Variants in MMP16 observed in about 807,000 individuals in gnomAD.
MMP16 encodes matrix metalloproteinase-16.
MMP16 carries 12 observed loss-of-function variants against 67.8 expected under a neutral mutation model. That is an observed-to-expected ratio of 0.18 (90% confidence interval 0.11 to 0.29). The LOEUF (loss-of-function observed/expected upper bound fraction) is 0.29, where lower values mean the gene tolerates loss of function less well. Ranked by LOEUF, MMP16 falls within the 10% of genes least tolerant of loss-of-function variation. The pLI, the probability that MMP16 is intolerant of heterozygous loss-of-function variation, is 1.00. For synonymous variants in MMP16, 249 were observed against 255.9 expected (o/e 0.97, Z 0.26); for missense variants, 475 against 765.7 (o/e 0.62, Z 4.48).
chr8:88,226,322 T>C (rs991999930), intron 1 of MMP16, among the ~76,000 whole-genome samples: 18 of 152,064 alleles, frequency 1.2e-4, no homozygotes, highest in African/African-American at 4.1e-4. Context: ...AAAACAGCTA[T>C]CACTTATTAA....
intron 1 of MMP16, among the ~76,000 whole-genome samples, chr8:88,320,415 CTA>C (rs1464810816): frequency 6.6e-6 from 1 of 152,112 alleles, no homozygotes; most frequent in Non-Finnish European, 1.5e-5. Flanking sequence ...CCAAAAACAC[CTA>C]GTCACTACAA....
chr8:88,070,299 C>T (rs1808530325), intron 7 of MMP16, among the ~76,000 whole-genome samples: 1 of 152,014 alleles, frequency 6.6e-6, no homozygotes, highest in Non-Finnish European at 1.5e-5. Context: ...TCAGGTCTTA[C>T]TTTGAAGATT....
rs375650939 is a variant in MMP16 at position 88,112,708 on chromosome 8, T to C, written c.1083+3799A>G. Among the ~76,000 whole-genome samples the C allele has an allele frequency of 2.6e-5, 4 of 151,572 alleles. No individual in the cohort carries two copies. In the South Asian group the frequency reaches 6.2e-4, roughly 24 times the overall value. On this transcript the variant is annotated intron_variant, in intron 6 of 9. Coordinates refer to ENST00000286614, the MANE Select transcript of MMP16 (RefSeq NM_005941.5). The stretch of plus-strand genomic sequence containing the variant: ...GTCTGTGTGTATGTATGTATGTAGA[T>C]ACATATCCCACCTCCTACAGAAACA...
chr8:88,069,309 G>C, intron 7 of MMP16: 1 of 364,024 alleles, frequency 2.7e-6, no homozygotes, highest in Non-Finnish European at 5.5e-6. Context: ...GGTATTTGGT[G>C]TTTACGAATG....
In MMP16 at chr8:88,059,182, T is replaced by A. The variant is rs79648147; in HGVS notation, c.1223-2904A>T. Among the ~76,000 whole-genome samples, 10 of 152,158 alleles carry A rather than the reference T, an allele frequency of 6.6e-5. No homozygotes were observed. In the East Asian group the frequency reaches 1.9e-3, roughly 29 times the overall value. ...AAGCATATATGTGGCATTTATAAAT[T>A]TAGGATGTGTTGAGATTATCCTGGG... is the stretch of plus-strand genomic sequence containing the variant. On this transcript the variant is annotated intron_variant, in intron 7 of 9. Transcript: ENST00000286614.
At position 88,033,713 on chromosome 8, in the gene MMP16, G is replaced by A. The variant is rs934422486; in HGVS notation, c.*7748C>T. ...TTTTAAGCCTGAAACAAATTTTTAT[G>A]GTCGAGTCTCTAAAACCCCTGAAAA... is the stretch of plus-strand genomic sequence containing the variant. On this transcript the variant is annotated 3_prime_UTR_variant, in exon 10 of 10. Transcript: ENST00000286614. 6.6e-6 allele frequency: 1 copy of A among 151,926 alleles called. No homozygotes were observed. The highest frequency in any genetic ancestry group is 6.6e-5 in the Admixed American group (1 of 15,214). The allele number at this position is 151,926 out of a possible 1,614,324, so 9.4% of individuals were successfully genotyped here.
intron 6 of MMP16, among the ~76,000 whole-genome samples, chr8:88,091,889 G>C (rs1043005081): frequency 2.0e-5 from 3 of 151,716 alleles, no homozygotes; most frequent in South Asian, 4.2e-4. Flanking sequence ...TATCATACTG[G>C]GTAGCACGCA....
intron 4 of MMP16, among the ~76,000 whole-genome samples, chr8:88,155,296 T>C (rs773761402): frequency 6.6e-6 from 1 of 152,088 alleles, no homozygotes; most frequent in African/African-American, 2.4e-5. Context: ...TACAAAATAT[T>C]ATGTCTTCTA....
At chr8:88,304,110 T>C (rs1811175810) in intron 1 of MMP16, among the ~76,000 whole-genome samples, 1 of 152,166 alleles carries the variant, frequency 6.6e-6, no homozygotes, top group African/African-American at 2.4e-5. Flanking sequence ...ATAATTGACC[T>C]GATGGAGCTG....
chr8:88,126,148 T>C (rs1807927560), intron 4 of MMP16, among the ~76,000 whole-genome samples: 1 of 151,864 alleles, frequency 6.6e-6, no homozygotes. Context: ...CAAGGAAATA[T>C]ATGCAGAATT....
At chr8:88,230,285 T>C (rs539216998) in intron 1 of MMP16, among the ~76,000 whole-genome samples, 1 of 152,248 alleles carries the variant, frequency 6.6e-6, no homozygotes, top group Admixed American at 6.5e-5. Context: ...CCTAGAGCCA[T>C]ATTACCCTGT....
chr8:88,225,986 T>C (rs1045784667), intron 1 of MMP16, among the ~76,000 whole-genome samples: 1 of 151,958 alleles, frequency 6.6e-6, no homozygotes, highest in Non-Finnish European at 1.5e-5. Flanking sequence ...TGTCCCCCAT[T>C]TTTATACAAC....
intron 1 of MMP16, among the ~76,000 whole-genome samples, chr8:88,305,526 A>G (rs542792881): frequency 5.9e-5 from 9 of 152,356 alleles, no homozygotes; most frequent in African/African-American, 2.2e-4. Context: ...TTTAAAATTG[A>G]TCCTACAATC....
intron 1 of MMP16, among the ~76,000 whole-genome samples, chr8:88,323,359 A>G (rs570337653): frequency 6.6e-6 from 1 of 152,310 alleles, no homozygotes; most frequent in South Asian, 2.1e-4. Flanking sequence ...AAACCTGACA[A>G]AGGTTTGAAT....
intron 1 of MMP16, among the ~76,000 whole-genome samples, chr8:88,324,976 G>T (rs1167571770): frequency 6.6e-6 from 1 of 152,096 alleles, no homozygotes; most frequent in African/African-American, 2.4e-5. Flanking sequence ...CATATAATCT[G>T]CTCTAAACCA....
At chr8:88,042,616 C>A (rs1421721370) in intron 9 of MMP16, among the ~76,000 whole-genome samples, 1 of 152,058 alleles carries the variant, frequency 6.6e-6, no homozygotes. Flanking sequence ...CAACATAAAT[C>A]TACAATTCTA....
In MMP16 at chr8:88,327,312, A is replaced by T. The variant is rs887116624; in HGVS notation, c.-106T>A. ...TCAAAAAAAAGTCCTCCGGGTGGGT[A>T]AGGAGCCTGCAGGTTCACCCACAGC... is the stretch of plus-strand genomic sequence containing the variant. On this transcript the variant is annotated 5_prime_UTR_variant, in exon 1 of 10. Coordinates refer to ENST00000286614, the MANE Select transcript of MMP16 (RefSeq NM_005941.5). 6.7e-7 allele frequency: 1 copy of T among 1,492,464 alleles called. No individual in the cohort carries two copies. The highest frequency in any genetic ancestry group is 9.2e-7 in the Non-Finnish European group (1 of 1,092,066). The allele number at this position is 1,492,464 out of a possible 1,614,324, so 92.5% of individuals were successfully genotyped here.
At chr8:88,114,280 T>C (rs1809392487) in intron 6 of MMP16, among the ~76,000 whole-genome samples, 1 of 151,766 alleles carries the variant, frequency 6.6e-6, no homozygotes. Flanking sequence ...ATGTCTGTTT[T>C]TTCTCCCTCC....
intron 3 of MMP16, among the ~76,000 whole-genome samples, chr8:88,182,273 C>A (rs1007173343): frequency 6.6e-6 from 1 of 151,980 alleles, no homozygotes; most frequent in Non-Finnish European, 1.5e-5. Flanking sequence ...CTAATATACA[C>A]AATATACAGA....
Sources: allele counts gnomAD v4.1 joint callset (sites outside exome capture counted in the v4.1 genomes callset), GRCh38; gene constraint gnomAD v4.1.1; transcripts MANE v1.5; gene names NCBI Gene and HGNC (gene_info 2026-07-23, HGNC 2026-07-21).